YIPF4: variants seen among roughly 807,000 people sequenced by gnomAD.
YIPF4 encodes the protein protein YIPF4.
In YIPF4, 18 loss-of-function variants were observed where a neutral mutation model predicts 29.4. That is an observed-to-expected ratio of 0.61 (90% CI 0.42 to 0.91). YIPF4 has a LOEUF of 0.91. Among genes scored for constraint, YIPF4 ranks in the 40% least tolerant of loss-of-function variants. YIPF4 has a pLI of 0.00. For synonymous variants in YIPF4, 115 were observed against 104.7 expected (o/e 1.10, Z -0.60); for missense variants, 279 against 282.7 (o/e 0.99, Z 0.09).
At chr2:32,282,842 C>T (rs181339431) in intron 1 of YIPF4, among the ~76,000 whole-genome samples, 17 of 151,844 alleles carry the variant, frequency 1.1e-4, no homozygotes, top group Admixed American at 1.0e-3. Context: ...TTTGGGAGGC[C>T]GAGGTGGGCG....
At chr2:32,295,857 C>T (rs1409438374) in intron 3 of YIPF4, among the ~76,000 whole-genome samples, 1 of 152,066 alleles carries the variant, frequency 6.6e-6, no homozygotes, top group Non-Finnish European at 1.5e-5. Flanking sequence ...CCTACCTTGG[C>T]CTCCCAAAGT....
At chr2:32,291,956 T>A (rs565591676) in intron 2 of YIPF4, among the ~76,000 whole-genome samples, 47 of 152,312 alleles carry the variant, frequency 3.1e-4, no homozygotes, top group African/African-American at 1.0e-3. Context: ...GGCTGACGAT[T>A]GTAAGACTCC....
chr2:32,290,198 T>TC (rs2030849954), intron 1 of YIPF4, among the ~76,000 whole-genome samples: 2 of 152,174 alleles, frequency 1.3e-5, no homozygotes, highest in Non-Finnish European at 2.9e-5. Context: ...CATGGAAATT[T>TC]TAAGGAATTA....
chr2:32,278,269 A>C, intron 1 of YIPF4, 35 bp downstream of exon 1: 2 of 1,527,610 alleles, frequency 1.3e-6, no homozygotes. Context: ...TATCACCCGG[A>C]GGAAGCCAGG....
rs1444048884 is a variant in YIPF4 at position 32,316,526 on chromosome 2, A to G, written c.*10900A>G. 1.3e-5 allele frequency: 2 copies of G among 152,228 alleles called. No homozygotes were observed. Among genetic ancestry groups the G allele is most frequent in the South Asian group, 2.1e-4 (1 of 4,838 alleles). The allele number at this position is 152,228 out of a possible 1,614,324, so 9.4% of individuals were successfully genotyped here. A position where few individuals can be genotyped will look rare whatever the true frequency, so the allele number is the denominator to read the frequency against. Reference sequence around the variant, plus strand: ...CTCAATTGTTAAACTATTGAAATGCATCTGTGTCAATGGTAAATAGTATTA... The same window carrying G: ...CTCAATTGTTAAACTATTGAAATGCGTCTGTGTCAATGGTAAATAGTATTA... On this transcript the variant is annotated 3_prime_UTR_variant, in exon 6 of 6. Coordinates refer to ENST00000238831, the MANE Select transcript of YIPF4 (RefSeq NM_032312.4).
chr2:32,298,251 A>T lies in YIPF4; in HGVS notation c.423A>T (p.Ile141=). The T allele has an allele frequency of 2.5e-6, 4 of 1,610,526 alleles. No homozygotes were observed. Among genetic ancestry groups the T allele is most frequent in the Non-Finnish European group, 3.4e-6 (4 of 1,177,698 alleles). ...CCCCTAAGGTGGTCTCATGGATTAT[A>T]ACCATTTGGATATTTGGTTCACTAA... The part of the protein sequence containing the change: ...YGQFRVVSWI[I]TIWIFGSLTI... Residue 141 remains isoleucine (I), a synonymous_variant, in exon 4 of 6, where the codon ATA becomes ATT. Coordinates refer to ENST00000238831, the MANE Select transcript of YIPF4 (RefSeq NM_032312.4).
At chr2:32,283,031 C>T (rs936468410) in intron 1 of YIPF4, among the ~76,000 whole-genome samples, 2 of 149,580 alleles carry the variant, frequency 1.3e-5, no homozygotes, top group East Asian at 2.0e-4. Flanking sequence ...GAGCCAAGAT[C>T]GCGCCACTGC....
chr2:32,305,489 C>G lies in YIPF4; in HGVS notation c.598C>G (p.Leu200Val). 6.5e-7 allele frequency: 1 copy of G among 1,544,142 alleles called. No homozygotes were observed. The highest frequency in any genetic ancestry group is 2.3e-5 in the East Asian group (1 of 42,896). ...SFEVVSTLIKLFGVFWAAYSA... is the reference protein window; with the variant it reads ...SFEVVSTLIKVFGVFWAAYSA... The stretch of plus-strand genomic sequence containing the variant: ...TTTGTCTTTTTTCCTTTTTTTAAAG[C>G]TGTTTGGTGTGTTTTGGGCTGCCTA... The change falls in exon 6 of 6, where the codon CTG (leucine) becomes GTG (valine). Residue 200 changes from leucine (L) to valine (V), a missense_variant and splice_region_variant. Coordinates refer to ENST00000238831, the MANE Select transcript of YIPF4 (RefSeq NM_032312.4).
intron 3 of YIPF4, among the ~76,000 whole-genome samples, chr2:32,295,236 T>C (rs946171752): frequency 6.6e-6 from 1 of 152,208 alleles, no homozygotes; most frequent in Non-Finnish European, 1.5e-5. Flanking sequence ...ACACAACATA[T>C]ATACATCACT....
chr2:32,309,790 G>C lies in YIPF4; in HGVS notation c.*4164G>C, dbSNP rs2031680810. On this transcript the variant is annotated 3_prime_UTR_variant, in exon 6 of 6. Transcript: ENST00000238831. The stretch of plus-strand genomic sequence containing the variant: ...TGCAACCTCTGATTCCTGGGTTCAA[G>C]CAATTCTCATGTCTCAGCCTCCCTA... The C allele has an allele frequency of 6.7e-6, 1 of 148,870 alleles. No homozygotes were observed. Among genetic ancestry groups the C allele is most frequent in the Admixed American group, 6.9e-5 (1 of 14,546 alleles). The allele number at this position is 148,870 out of a possible 1,614,324, so 9.2% of individuals were successfully genotyped here. A position where few individuals can be genotyped will look rare whatever the true frequency, so the allele number is the denominator to read the frequency against.
chr2:32,299,763 G>GT (rs2031327928), intron 4 of YIPF4, among the ~76,000 whole-genome samples: 1 of 152,120 alleles, frequency 6.6e-6, no homozygotes, highest in Non-Finnish European at 1.5e-5. Context: ...GGTGAGCTGT[G>GT]TTCGTGCCAC....
In YIPF4 at chr2:32,314,225, A is replaced by G. The variant is rs2031776839; in HGVS notation, c.*8599A>G. The G allele has an allele frequency of 6.6e-6, 1 of 152,264 alleles. No homozygotes were observed. Among genetic ancestry groups the G allele is most frequent in the Admixed American group, 6.5e-5 (1 of 15,280 alleles). The allele number at this position is 152,264 out of a possible 1,614,324, so 9.4% of individuals were successfully genotyped here. A position where few individuals can be genotyped will look rare whatever the true frequency, so the allele number is the denominator to read the frequency against. On this transcript the variant is annotated 3_prime_UTR_variant, in exon 6 of 6. Transcript: ENST00000238831. ...ATGAAAATAAATGAACTAAAGCCGC[A>G]TACAAAAACATGAAGAATTTCACAA...
rs989870407 is a variant in YIPF4, at chr2:32,305,803, T to C, written c.*177T>C. The stretch of plus-strand genomic sequence containing the variant: ...TTTGTATTTAATTAAGCAATTGCAG[T>C]TATCTGGGATTTTTGGGTCAGAATT... On this transcript the variant is annotated 3_prime_UTR_variant, in exon 6 of 6. Coordinates refer to ENST00000238831, the MANE Select transcript of YIPF4 (RefSeq NM_032312.4). 3.7e-5 allele frequency: 45 copies of C among 1,226,398 alleles called. No homozygotes were observed. Among genetic ancestry groups the C allele is most frequent in the Non-Finnish European group, 3.7e-5 (36 of 984,714 alleles). 76.0% of individuals were successfully genotyped at this position (1,226,398 alleles called of 1,614,324 possible). A position where few individuals can be genotyped will look rare whatever the true frequency, so the allele number is the denominator to read the frequency against.
At chr2:32,280,247 C>T (rs981175725) in intron 1 of YIPF4, among the ~76,000 whole-genome samples, 1 of 151,684 alleles carries the variant, frequency 6.6e-6, no homozygotes, top group Non-Finnish European at 1.5e-5. Flanking sequence ...CCTGCCTCAG[C>T]CTCCCGAGTA....
intron 1 of YIPF4, among the ~76,000 whole-genome samples, chr2:32,280,484 A>G (rs1362458613): frequency 1.3e-5 from 2 of 148,606 alleles, no homozygotes; most frequent in African/African-American, 5.0e-5. Flanking sequence ...GGTTCACGCC[A>G]TTCTCTGCCT....
intron 1 of YIPF4, among the ~76,000 whole-genome samples, chr2:32,284,660 A>G (rs1247770231): frequency 6.6e-6 from 1 of 152,158 alleles, no homozygotes. Flanking sequence ...TTTGTTTATA[A>G]ATTACTCAGT....
Position 32,310,464 on chromosome 2 carries a change from A to T in YIPF4, c.*4838A>T, listed in dbSNP as rs1464400840. 1 of 152,226 alleles carries T rather than the reference A, an allele frequency of 6.6e-6. No individual in the cohort carries two copies. The highest frequency in any genetic ancestry group is 1.5e-5 in the Non-Finnish European group (1 of 68,050). The allele number at this position is 152,226 out of a possible 1,614,324, so 9.4% of individuals were successfully genotyped here. A position where few individuals can be genotyped will look rare whatever the true frequency, so the allele number is the denominator to read the frequency against. The stretch of plus-strand genomic sequence containing the variant: ...AACCACTGCATACCAAATTCCACCC[A>T]TACTCAAGTCTCACAGTCTTCCCTG... On this transcript the variant is annotated 3_prime_UTR_variant, in exon 6 of 6. Coordinates refer to ENST00000238831, the MANE Select transcript of YIPF4 (RefSeq NM_032312.4).
chr2:32,279,980 T>G (rs1260880357), intron 1 of YIPF4, among the ~76,000 whole-genome samples: 3 of 149,408 alleles, frequency 2.0e-5, no homozygotes. Context: ...TACTATAACC[T>G]CAAATTCCTG....
chr2:32,292,736 C>T (rs1050026404), intron 3 of YIPF4, among the ~76,000 whole-genome samples: 10 of 151,794 alleles, frequency 6.6e-5, no homozygotes, highest in African/African-American at 9.7e-5. Context: ...TGGTGGTGCA[C>T]GCCTGTAATC....
Sources: allele counts gnomAD v4.1 joint callset (sites outside exome capture counted in the v4.1 genomes callset), GRCh38; gene constraint gnomAD v4.1.1; transcripts MANE v1.5; gene names NCBI Gene and HGNC (gene_info 2026-07-23, HGNC 2026-07-21).